The following KIAA0319 variants were observed in gnomAD, a reference collection of about 807,000 sequenced individuals.
KIAA0319 encodes dyslexia-associated protein KIAA0319.
In KIAA0319, 83 loss-of-function variants were observed where a neutral mutation model predicts 108.4. That is an observed-to-expected ratio of 0.77 (90% CI 0.64 to 0.92). The LOEUF is 0.92. Among genes scored for constraint, KIAA0319 ranks in the 40% least tolerant of loss-of-function variants. The pLI is 0.00. For synonymous variants in KIAA0319, 484 were observed against 510.4 expected, an observed-to-expected ratio of 0.95 and a Z score of 0.70; for missense variants, 1,195 against 1,322.4, an observed-to-expected ratio of 0.90 and a Z score of 1.49.
chr6:24,566,236 A>G (rs1366522775), intron 14 of KIAA0319, among the ~76,000 whole-genome samples: 1 of 152,186 alleles, frequency 6.6e-6, no homozygotes, highest in Non-Finnish European at 1.5e-5. Context: ...AATAGGACCT[A>G]TAAGGAAGTA....
At chr6:24,582,566 T>C (rs1048023747) in intron 5 of KIAA0319, among the ~76,000 whole-genome samples, 2 of 151,448 alleles carry the variant, frequency 1.3e-5, no homozygotes, top group Non-Finnish European at 2.9e-5. Flanking sequence ...CTTTCAACTA[T>C]CAGCCAAGAT....
chr6:24,605,733 G>A (rs1402223501), intron 1 of KIAA0319, among the ~76,000 whole-genome samples: 1 of 152,036 alleles, frequency 6.6e-6, no homozygotes, highest in Non-Finnish European at 1.5e-5. Context: ...GTGAAAACTG[G>A]TGAGAATAAT....
chr6:24,590,599 A>C (rs1405611490), intron 3 of KIAA0319, among the ~76,000 whole-genome samples: 3 of 152,104 alleles, frequency 2.0e-5, no homozygotes, highest in Non-Finnish European at 4.4e-5. Context: ...GGATGAATTG[A>C]ATTTTTTTTT....
intron 1 of KIAA0319, among the ~76,000 whole-genome samples, chr6:24,628,562 A>G (rs1775052162): frequency 6.6e-6 from 1 of 151,584 alleles, no homozygotes; most frequent in Non-Finnish European, 1.5e-5. Flanking sequence ...TGCATTTACC[A>G]TCTGAATTAG....
At position 24,583,690 on chromosome 6, in the gene KIAA0319, G is replaced by GT; in HGVS notation, c.1006dup (p.Thr336AsnfsTer7). The GT allele has an allele frequency of 1.2e-6, 2 of 1,608,566 alleles. No individual in the cohort carries two copies. Among genetic ancestry groups the GT allele is most frequent in the Non-Finnish European group, 8.5e-7 (1 of 1,175,482 alleles). On this transcript the variant is annotated frameshift_variant, in exon 5 of 21. Transcript: ENST00000378214. LOFTEE classifies it high-confidence loss of function. Reference sequence around the variant, plus strand: ...AATTAGGTTATCTCCAGCCGATACCGTAAGTTCTTTCACTAAAAGTTAATT... The same window carrying GT: ...AATTAGGTTATCTCCAGCCGATACCGTTAAGTTCTTTCACTAAAAGTTAATT...
Position 24,544,541 on chromosome 6 carries a change from G to A in KIAA0319, c.*2624C>T, listed in dbSNP as rs967936018. 1 of 152,194 alleles carries A rather than the reference G, an allele frequency of 6.6e-6. No individual in the cohort carries two copies. The highest frequency in any genetic ancestry group is 1.5e-5 in the Non-Finnish European group (1 of 68,042). 9.4% of individuals were successfully genotyped at this position (152,194 alleles called of 1,614,324 possible). A position where few individuals can be genotyped will look rare whatever the true frequency, so the allele number is the denominator to read the frequency against. ...AAAGGTGGCATCACTGGCTTGTTGAGTGGTACATTTTCTTACCTTGCTGCA... is the reference window on the plus strand; with the variant it reads ...AAAGGTGGCATCACTGGCTTGTTGAATGGTACATTTTCTTACCTTGCTGCA... On this transcript the variant is annotated 3_prime_UTR_variant, in exon 21 of 21. Transcript: ENST00000378214.
In KIAA0319 at chr6:24,596,416, C is replaced by A. The variant is rs773230026; in HGVS notation, c.258G>T (p.Glu86Asp). ...RCYLVSCPHK[E>D]NCEPKKMGPI... ...GGCCCATCTTCTTGGGCTCACAGTTCTCTTTGTGGGGGCAGCTCACCAGGT... is the reference window on the plus strand; with the variant it reads ...GGCCCATCTTCTTGGGCTCACAGTTATCTTTGTGGGGGCAGCTCACCAGGT... Residue 86 changes from glutamate to aspartate, a missense_variant, in exon 3 of 21, where the codon GAG becomes GAT. Transcript: ENST00000378214. The A allele has an allele frequency of 1.9e-6, 3 of 1,614,090 alleles. No individual in the cohort carries two copies. Among genetic ancestry groups the A allele is most frequent in the African/African-American group, 2.7e-5 (2 of 74,930 alleles).
chr6:24,603,987 T>A (rs1771043480), intron 1 of KIAA0319, among the ~76,000 whole-genome samples: 1 of 151,870 alleles, frequency 6.6e-6, no homozygotes, highest in Non-Finnish European at 1.5e-5. Flanking sequence ...AGAGATGGGC[T>A]GAGTTAGACC....
chr6:24,568,810 G>A lies in KIAA0319; in HGVS notation c.2111C>T (p.Thr704Met), dbSNP rs140741790. The change falls in exon 13 of 21, where the codon ACG becomes ATG. Residue 704 changes from threonine to methionine, a missense_variant. Coordinates refer to ENST00000378214, the MANE Select transcript of KIAA0319 (RefSeq NM_014809.4). ...TVKDQQGLSS[T>M]STLTVAVKKE... is the part of the protein sequence containing the mutation. Reference sequence around the variant, plus strand: ...CTTCACAGCCACAGTGAGGGTGGACGTGCTGCTCAGTCCCTGCTGGTCTTT... The same window carrying A: ...CTTCACAGCCACAGTGAGGGTGGACATGCTGCTCAGTCCCTGCTGGTCTTT... 42 of 1,614,032 alleles carry A rather than the reference G, an allele frequency of 2.6e-5. No homozygotes were observed. In the African/African-American group the frequency reaches 4.0e-4, roughly 15 times the overall value.
intron 1 of KIAA0319, among the ~76,000 whole-genome samples, chr6:24,606,236 C>T (rs948247555): frequency 9.2e-5 from 14 of 152,136 alleles, no homozygotes; most frequent in South Asian, 2.1e-4. Flanking sequence ...TGCGCCTGGC[C>T]GGAATGGGTA....
intron 8 of KIAA0319, among the ~76,000 whole-genome samples, 200 bp downstream of exon 8, chr6:24,579,653 TAATAG>T (rs972098890): frequency 2.6e-5 from 4 of 151,450 alleles, no homozygotes; most frequent in Non-Finnish European, 4.4e-5. Flanking sequence ...AAGAACTTTC[TAATAG>T]AATAGACGAA....
At position 24,570,574 on chromosome 6, in the gene KIAA0319, C is replaced by T. The variant is rs1581984642; in HGVS notation, c.1859-539G>A. Reference sequence around the variant, plus strand: ...CTGCACTCCAGCCTGGGAGACAGAGCAAGATCCGTCTAAAAAAAAAAATCG... The same window carrying T: ...CTGCACTCCAGCCTGGGAGACAGAGTAAGATCCGTCTAAAAAAAAAAATCG... On this transcript the variant is annotated intron_variant, in intron 11 of 20. Coordinates refer to ENST00000378214, the MANE Select transcript of KIAA0319 (RefSeq NM_014809.4). Among the ~76,000 whole-genome samples, 5 of 100,190 alleles carry T rather than the reference C, an allele frequency of 5.0e-5. 1 individual carries two copies. Among genetic ancestry groups the T allele is most frequent in the African/African-American group, 1.7e-4 (5 of 28,682 alleles). 65.7% of individuals were successfully genotyped at this position (100,190 alleles called of 152,430 possible).
chr6:24,601,018 C>T, intron 2 of KIAA0319, 31 bp downstream of exon 2: 1 of 1,613,760 alleles, frequency 6.2e-7, no homozygotes, highest in Non-Finnish European at 8.5e-7. Flanking sequence ...TCAAGTCCAA[C>T]ACGGGTATCT....
chr6:24,585,020 T>G (rs1280724893), intron 4 of KIAA0319, among the ~76,000 whole-genome samples: 3 of 152,140 alleles, frequency 2.0e-5, no homozygotes, highest in Non-Finnish European at 4.4e-5. Flanking sequence ...GAGAGTAATC[T>G]CCAAAATACA....
In KIAA0319 at chr6:24,553,312, C is replaced by T. The variant is rs1356114961; in HGVS notation, c.2948+1229G>A. On this transcript the variant is annotated intron_variant, in intron 19 of 20. Coordinates refer to ENST00000378214, the MANE Select transcript of KIAA0319 (RefSeq NM_014809.4). ...ATATATATACACACACACACACACA[C>T]ACACACACACACACACACACACACG... Among the ~76,000 whole-genome samples the T allele has an allele frequency of 1.4e-3, 154 of 111,950 alleles. 1 individual carries two copies. Among genetic ancestry groups the T allele is most frequent in the Non-Finnish European group, 1.6e-3 (88 of 55,442 alleles). The allele number at this position is 111,950 out of a possible 152,430, so 73.4% of individuals were successfully genotyped here. A position where few individuals can be genotyped will look rare whatever the true frequency, so the allele number is the denominator to read the frequency against.
chr6:24,640,901 G>T (rs541665864), intron 1 of KIAA0319, among the ~76,000 whole-genome samples: 2 of 151,956 alleles, frequency 1.3e-5, no homozygotes, highest in African/African-American at 4.8e-5. Flanking sequence ...TCATCTGCCC[G>T]CCTCAGCCTC....
chr6:24,553,015 C>T (rs1761726262), intron 19 of KIAA0319, among the ~76,000 whole-genome samples: 1 of 151,986 alleles, frequency 6.6e-6, no homozygotes, highest in African/African-American at 2.4e-5. Context: ...GCATGGGGTT[C>T]TGGAAGATTT....
chr6:24,576,831 G>A (rs1765617373), intron 9 of KIAA0319, among the ~76,000 whole-genome samples: 1 of 151,960 alleles, frequency 6.6e-6, no homozygotes, highest in African/African-American at 2.4e-5. Context: ...AGGCTGAGGT[G>A]GGAGGATCAT....
intron 16 of KIAA0319, 22 bp downstream of exon 16, chr6:24,563,337 G>A (rs773931535): frequency 8.7e-6 from 14 of 1,601,978 alleles, no homozygotes; most frequent in South Asian, 1.1e-5. Context: ...CCAAGGCCCC[G>A]CCTTGAGTGT....
Sources: allele counts gnomAD v4.1 joint callset (sites outside exome capture counted in the v4.1 genomes callset), GRCh38; gene constraint gnomAD v4.1.1; transcripts MANE v1.5; gene names NCBI Gene and HGNC (gene_info 2026-07-23, HGNC 2026-07-21).